Variants in RANBP2 observed in about 807,000 individuals in gnomAD.
The protein encoded by RANBP2 is RAN binding protein 2.
RANBP2 carries 57 observed loss-of-function variants against 303.6 expected under a neutral mutation model. The ratio of observed to expected loss-of-function variants is 0.19; its 90% CI spans 0.15 to 0.23. The LOEUF (loss-of-function observed/expected upper bound fraction) is 0.23, where lower values mean the gene tolerates loss of function less well. Among genes scored for constraint, RANBP2 ranks in the 10% least tolerant of loss-of-function variants. The probability of loss-of-function intolerance (pLI) is 1.00; values close to 1 mark genes in which losing one functional copy is unlikely to be tolerated. For synonymous variants in RANBP2, 1,167 were observed against 1,301.5 expected (o/e 0.90, Z 2.23); for missense variants, 3,138 against 3,780.8 (o/e 0.83, Z 4.46).
At chr2:109,303,665 C>T in the RANBP2 span, among the ~76,000 whole-genome samples, 2 of 152,196 alleles carry the variant, frequency 1.3e-5, no homozygotes, top group Non-Finnish European at 2.9e-5. Context: ...GGAGACTGCC[C>T]ACATTCGGGT....
At chr2:109,024,940 CAGCCA>C in the RANBP2 span, among the ~76,000 whole-genome samples, 1 of 152,116 alleles carries the variant, frequency 6.6e-6, no homozygotes, top group Non-Finnish European at 1.5e-5. Flanking sequence ...CAATGCTGTG[CAGCCA>C]TCACCACTCC....
the RANBP2 span, among the ~76,000 whole-genome samples, chr2:109,474,540 C>G: frequency 6.6e-6 from 1 of 152,194 alleles, no homozygotes; most frequent in Non-Finnish European, 1.5e-5. Context: ...GCTGGGATTA[C>G]AGTCCGAACC....
chr2:109,053,894 C>G, the RANBP2 span, among the ~76,000 whole-genome samples: 22 of 152,158 alleles, frequency 1.4e-4, no homozygotes, highest in African/African-American at 5.3e-4. Flanking sequence ...GCTCACAGGC[C>G]CCACCACCCC....
chr2:109,401,240 A>G, the RANBP2 span, among the ~76,000 whole-genome samples: 82,670 of 152,150 alleles, frequency 0.54, 23,222 homozygotes, highest in African/African-American at 0.67. Flanking sequence ...AACCTGAGCA[A>G]CTGTTGGCGA....
the RANBP2 span, among the ~76,000 whole-genome samples, chr2:108,821,731 G>A: frequency 2.0e-5 from 3 of 151,950 alleles, no homozygotes; most frequent in Admixed American, 2.0e-4. Flanking sequence ...GATTATCTGA[G>A]GTCAGAAGTT....
the RANBP2 span, among the ~76,000 whole-genome samples, chr2:108,796,215 ATT>A: frequency 6.9e-6 from 1 of 144,856 alleles, no homozygotes; most frequent in African/African-American, 2.5e-5. Context: ...CGCCCGGCTA[ATT>A]TTTTTTTTTT....
chr2:109,169,436 T>A, the RANBP2 span, among the ~76,000 whole-genome samples: 1 of 152,090 alleles, frequency 6.6e-6, no homozygotes, highest in African/African-American at 2.4e-5. Context: ...ACAGCTCAGC[T>A]CCCTGTGGTG....
chr2:109,109,217 C>A, the RANBP2 span, among the ~76,000 whole-genome samples: 2 of 152,298 alleles, frequency 1.3e-5, no homozygotes, highest in South Asian at 2.1e-4. Flanking sequence ...CACAATGGAG[C>A]GCTCTTGAAA....
the RANBP2 span, among the ~76,000 whole-genome samples, chr2:109,039,251 A>G: frequency 3.2e-4 from 48 of 152,334 alleles, no homozygotes; most frequent in East Asian, 8.7e-3. Flanking sequence ...CAGACTTGTC[A>G]GTTTCCACGA....
At chr2:109,053,670 A>G in the RANBP2 span, among the ~76,000 whole-genome samples, 3 of 152,232 alleles carry the variant, frequency 2.0e-5, no homozygotes, top group Non-Finnish European at 4.4e-5. Flanking sequence ...CACTTGCTGC[A>G]TATGAGTATG....
At chr2:108,815,978 T>G in the RANBP2 span, 2 of 1,613,336 alleles carry the variant, frequency 1.2e-6, no homozygotes, top group Non-Finnish European at 1.7e-6. Flanking sequence ...CTTTTAACTG[T>G]CTTCATGGAC....
At chr2:108,879,414 A>G in the RANBP2 span, among the ~76,000 whole-genome samples, 4 of 152,212 alleles carry the variant, frequency 2.6e-5, no homozygotes, top group Admixed American at 2.6e-4. Flanking sequence ...AAATCATCCA[A>G]ATTCATTTTA....
At chr2:108,900,080 A>G in the RANBP2 span, among the ~76,000 whole-genome samples, 277 of 152,356 alleles carry the variant, frequency 1.8e-3, 3 homozygotes, top group African/African-American at 6.4e-3. Context: ...GGAAAGAGAT[A>G]AAATCAAAAT....
chr2:108,741,495 C>CTTT lies in RANBP2; in HGVS notation c.975+840_975+842dup, dbSNP rs34872068. The stretch of plus-strand genomic sequence containing the variant: ...ACAGGCGCAAGCCACTGCGCCTGGC[C>CTTT]TTTTTTTTTTTTTTTTTTTTTTTTT... On this transcript the variant is annotated intron_variant, in intron 7 of 28. Coordinates refer to ENST00000283195, the MANE Select transcript of RANBP2 (RefSeq NM_006267.5). Among the ~76,000 whole-genome samples the CTTT allele has an allele frequency of 1.7e-3, 108 of 61,800 alleles. 19 individuals are homozygous for CTTT. Among genetic ancestry groups the CTTT allele is most frequent in the Middle Eastern group, 0.027 (2 of 74 alleles). 40.5% of individuals were successfully genotyped at this position (61,800 alleles called of 152,430 possible).
the RANBP2 span, among the ~76,000 whole-genome samples, chr2:108,854,364 A>G: frequency 1.3e-5 from 2 of 151,546 alleles, no homozygotes; most frequent in East Asian, 1.9e-4. Context: ...TAGCTTCACT[A>G]CTAGCTGTGT....
chr2:109,356,370 A>G, the RANBP2 span, among the ~76,000 whole-genome samples: 1 of 152,172 alleles, frequency 6.6e-6, no homozygotes, highest in Non-Finnish European at 1.5e-5. Context: ...CACTGCAGCT[A>G]GGTCTATGTT....
chr2:108,935,396 G>A, the RANBP2 span, among the ~76,000 whole-genome samples: 8 of 152,152 alleles, frequency 5.3e-5, no homozygotes, highest in African/African-American at 1.9e-4. Flanking sequence ...TCTCAGCCCC[G>A]CCCAGACCTG....
chr2:109,605,986 A>T, the RANBP2 span, among the ~76,000 whole-genome samples: 1 of 152,220 alleles, frequency 6.6e-6, no homozygotes, highest in Non-Finnish European at 1.5e-5. Context: ...CAAAGCCTGG[A>T]ATGAGGTCTG....
chr2:109,717,272 C>CAAAAAAAAAAAAAAAAAAAAAAAAA, the RANBP2 span, among the ~76,000 whole-genome samples: 2 of 124,796 alleles, frequency 1.6e-5, no homozygotes, highest in African/African-American at 3.2e-5. Flanking sequence ...AAAAACAAAC[C>CAAAAAAAAAAAAAAAAAAAAAAAAA]AAAAAAAAAA....
Sources: gnomAD v4.1 joint callset for allele counts (sites outside exome capture counted in the v4.1 genomes callset) on GRCh38, gnomAD v4.1.1 for gene constraint, MANE v1.5 for transcripts, NCBI Gene and HGNC (gene_info 2026-07-23, HGNC 2026-07-21) for gene names.